STARD10: variants seen among roughly 807,000 people sequenced by gnomAD.
STARD10 encodes the protein StAR related lipid transfer domain containing 10.
In STARD10, 24 loss-of-function variants were observed where a neutral mutation model predicts 36.0. The ratio of observed to expected loss-of-function variants is 0.67; its 90% CI spans 0.48 to 0.94. STARD10 has a LOEUF of 0.94. Among genes scored for constraint, STARD10 ranks in the 40% least tolerant of loss-of-function variants. The pLI, the probability that STARD10 is intolerant of heterozygous loss-of-function variation, is 0.00. For missense variants in STARD10, 335 were observed against 396.6 expected, an observed-to-expected ratio of 0.84 and a Z score of 1.32; for synonymous variants, 156 against 161.9, an observed-to-expected ratio of 0.96 and a Z score of 0.28.
intron 3 of STARD10, 74 bp from the exon 4 acceptor site, chr11:72,758,707 G>C: frequency 9.5e-7 from 1 of 1,058,022 alleles, no homozygotes; most frequent in Admixed American, 2.1e-5. Context: ...GCAGAGGCCA[G>C]AGATGCAGGG....
At chr11:72,757,916 C>T (rs779909878) in intron 4 of STARD10, 32 bp from the exon 5 acceptor site, 5 of 1,593,874 alleles carry the variant, frequency 3.1e-6, no homozygotes, top group East Asian at 2.2e-5. Flanking sequence ...AGGTGAGACT[C>T]GGGGTGGGGG....
chr11:72,792,675 C>T (rs1859162562), intron 1 of STARD10, among the ~76,000 whole-genome samples, 200 bp downstream of exon 1: 1 of 152,132 alleles, frequency 6.6e-6, no homozygotes, highest in African/African-American at 2.4e-5. Flanking sequence ...GCATCACTTC[C>T]CCTTCTCATC....
chr11:72,781,307 T>A lies in STARD10; in HGVS notation c.-113-13A>T. The A allele has an allele frequency of 1.3e-6, 1 of 795,118 alleles. No individual in the cohort carries two copies. The highest frequency in any genetic ancestry group is 1.7e-5 in the South Asian group (1 of 58,156). The allele number at this position is 795,118 out of a possible 1,614,324, so 49.3% of individuals were successfully genotyped here. A position where few individuals can be genotyped will look rare whatever the true frequency, so the allele number is the denominator to read the frequency against. On this transcript the variant is annotated splice_polypyrimidine_tract_variant and intron_variant, in intron 1 of 6. Coordinates refer to ENST00000334805, the MANE Select transcript of STARD10 (RefSeq NM_006645.3). The surrounding 1 kb of genome is among the most constrained non-coding windows in gnomAD (Gnocchi z 4.7). The stretch of plus-strand genomic sequence containing the variant: ...ACCTTCCTGGGACCTGCAAGACCGG[T>A]TTGGGGACGGGAATCAGTGCGCTGG...
intron 2 of STARD10, among the ~76,000 whole-genome samples, chr11:72,765,456 A>C (rs1409484095): frequency 1.3e-5 from 2 of 152,056 alleles, no homozygotes; most frequent in Non-Finnish European, 2.9e-5. Flanking sequence ...ATGAAGCCAC[A>C]ATCAGAAGGG....
At chr11:72,780,896 C>T in intron 2 of STARD10, 79 bp downstream of exon 2, 2 of 1,453,770 alleles carry the variant, frequency 1.4e-6, no homozygotes, top group Non-Finnish European at 1.9e-6. Flanking sequence ...GGTGTCTAGC[C>T]CGGAGAGAGG....
chr11:72,771,773 C>T (rs1858861302), intron 2 of STARD10, among the ~76,000 whole-genome samples: 1 of 152,154 alleles, frequency 6.6e-6, no homozygotes, highest in Non-Finnish European at 1.5e-5. Context: ...GGCTGGCCTC[C>T]TGCCCTGTAC....
At chr11:72,789,618 A>G (rs574724721) in intron 1 of STARD10, among the ~76,000 whole-genome samples, 1 of 152,344 alleles carries the variant, frequency 6.6e-6, no homozygotes, top group South Asian at 2.1e-4. Flanking sequence ...AGAGGGCAGC[A>G]TGGCACTGAG....
intron 1 of STARD10, among the ~76,000 whole-genome samples, chr11:72,787,335 G>A (rs147353312): frequency 1.5e-4 from 23 of 152,266 alleles, no homozygotes; most frequent in African/African-American, 4.6e-4. Flanking sequence ...CGCAGGGGCC[G>A]TTGCCTCCCC....
intron 5 of STARD10, among the ~76,000 whole-genome samples, chr11:72,756,745 T>G (rs999642570): frequency 6.6e-6 from 1 of 151,724 alleles, no homozygotes; most frequent in Non-Finnish European, 1.5e-5. Context: ...AGGAGATAAG[T>G]GTTTTAGAGA....
chr11:72,775,431 CCT>C (rs1858918175), intron 2 of STARD10, among the ~76,000 whole-genome samples: 1 of 152,112 alleles, frequency 6.6e-6, no homozygotes, highest in Non-Finnish European at 1.5e-5. Context: ...CCTCCAGCCC[CCT>C]GAGTTCTGAG....
intron 2 of STARD10, among the ~76,000 whole-genome samples, chr11:72,765,753 T>C (rs952845017): frequency 1.3e-5 from 2 of 151,074 alleles, no homozygotes; most frequent in African/African-American, 4.9e-5. Context: ...GGTGGATCAT[T>C]TGAGGTCAGG....
intron 1 of STARD10, chr11:72,790,245 T>C (rs937240817): frequency 6.6e-6 from 1 of 151,930 alleles, no homozygotes; most frequent in Non-Finnish European, 1.5e-5. Context: ...GGAGGAGAGG[T>C]GGAATCAAGC....
chr11:72,768,765 T>C (rs1250766277), intron 2 of STARD10, among the ~76,000 whole-genome samples: 1 of 152,160 alleles, frequency 6.6e-6, no homozygotes, highest in East Asian at 1.9e-4. Context: ...CAGCATGCGT[T>C]GTCATGCATT....
Position 72,780,690 on chromosome 11 carries a change from G to A in STARD10, c.207+285C>T, listed in dbSNP as rs752988184. The stretch of plus-strand genomic sequence containing the variant: ...CTGAGGGAGACCACTCTCCTAGAAG[G>A]GCCTGGCAGCAGCCCAGATCCCTGG... On this transcript the variant is annotated intron_variant, in intron 2 of 6. Transcript: ENST00000334805. The A allele has an allele frequency of 3.6e-4, 179 of 494,038 alleles. 1 individual carries two copies. Among genetic ancestry groups the A allele is most frequent in the Admixed American group, 3.3e-4 (10 of 30,598 alleles). 30.6% of individuals were successfully genotyped at this position (494,038 alleles called of 1,614,324 possible). A position where few individuals can be genotyped will look rare whatever the true frequency, so the allele number is the denominator to read the frequency against.
chr11:72,762,974 T>C (rs1470988303), intron 2 of STARD10, among the ~76,000 whole-genome samples: 1 of 152,186 alleles, frequency 6.6e-6, no homozygotes, highest in African/African-American at 2.4e-5. Context: ...TGGAACATCT[T>C]CTTGTGCCAG....
At chr11:72,792,041 ATTTTTTTT>A (rs869068929) in intron 1 of STARD10, among the ~76,000 whole-genome samples, 17 of 38,808 alleles carry the variant, frequency 4.4e-4, no homozygotes, top group South Asian at 1.3e-3. Flanking sequence ...CACCTGGCTA[ATTTTTTTT>A]TTTTTTTTTT....
chr11:72,771,615 A>G (rs1858859250), intron 2 of STARD10, among the ~76,000 whole-genome samples: 2 of 152,060 alleles, frequency 1.3e-5, no homozygotes, highest in African/African-American at 4.8e-5. Flanking sequence ...GCCGCTCTCC[A>G]TGCAGGGCTG....
intron 6 of STARD10, 166 bp from the exon 7 acceptor site, chr11:72,755,308 T>TC: frequency 3.4e-6 from 1 of 290,834 alleles, no homozygotes; most frequent in East Asian, 8.4e-5. Context: ...TCTCCATTCT[T>TC]TTTTTTTTTT....
chr11:72,780,929 G>A (rs752286511), intron 2 of STARD10, 46 bp downstream of exon 2: 25 of 1,585,090 alleles, frequency 1.6e-5, no homozygotes, highest in Non-Finnish European at 1.8e-5. Flanking sequence ...CGGGAGAGAG[G>A]CAGTAAGGGT....
Sources: gnomAD v4.1 joint callset for allele counts (sites outside exome capture counted in the v4.1 genomes callset) on GRCh38, gnomAD v4.1.1 for gene constraint, Gnocchi (gnomAD v3.1) non-coding constraint, MANE v1.5 for transcripts, NCBI Gene and HGNC (gene_info 2026-07-23, HGNC 2026-07-21) for gene names.